Variants in INPP4B observed in about 807,000 individuals in gnomAD.
INPP4B encodes inositol polyphosphate-4-phosphatase type II B, also known as inositol polyphosphate 4-phosphatase type II.
INPP4B carries 55 observed loss-of-function variants against 122.5 expected under a neutral mutation model. The observed-to-expected ratio is 0.45, with a 90% CI of 0.36 to 0.56. The LOEUF (loss-of-function observed/expected upper bound fraction) is 0.56, where lower values mean the gene tolerates loss of function less well. Ranked by LOEUF, INPP4B falls within the 20% of genes least tolerant of loss-of-function variation. The pLI, the probability that INPP4B is intolerant of heterozygous loss-of-function variation, is 0.00. For missense variants in INPP4B, 1,000 were observed against 1,097.7 expected (o/e 0.91, Z 1.26); for synonymous variants, 403 against 388.7 (o/e 1.04, Z -0.43).
rs200564389 is a variant in INPP4B, at chr4:142,135,772, TTTTG to T, written c.1720+10064_1720+10067del. The stretch of plus-strand genomic sequence containing the variant: ...GTTGCTCCAGACCTGTCAGGGTGTT[TTTTG>T]TTTGTTTGTTTGTTTATTTTTTTAA... On this transcript the variant is annotated intron_variant, in intron 18 of 25. Transcript: ENST00000262992. Among the ~76,000 whole-genome samples the T allele has an allele frequency of 4.3e-3, 550 of 126,712 alleles. 3 individuals are homozygous for T. The highest frequency in any genetic ancestry group is 0.02 in the Admixed American group (257 of 12,630). 83.1% of individuals were successfully genotyped at this position (126,712 alleles called of 152,430 possible). A position where few individuals can be genotyped will look rare whatever the true frequency, so the allele number is the denominator to read the frequency against.
intron 2 of INPP4B, among the ~76,000 whole-genome samples, chr4:142,627,630 T>G (rs1746774490): frequency 6.8e-6 from 1 of 146,358 alleles, no homozygotes. Context: ...ATAAGCTTTT[T>G]GATGTGCTGC....
At chr4:142,785,931 G>A (rs1007980479) in intron 1 of INPP4B, among the ~76,000 whole-genome samples, 1 of 151,982 alleles carries the variant, frequency 6.6e-6, no homozygotes, top group Non-Finnish European at 1.5e-5. Flanking sequence ...GGGGTTGGAG[G>A]GGACACCTTG....
intron 2 of INPP4B, among the ~76,000 whole-genome samples, chr4:142,544,524 G>A (rs1327593756): frequency 6.6e-6 from 1 of 152,024 alleles, no homozygotes; most frequent in Non-Finnish European, 1.5e-5. Flanking sequence ...AAGCATACAT[G>A]AGAGAAAAAA....
intron 2 of INPP4B, among the ~76,000 whole-genome samples, chr4:142,619,195 T>G (rs1744351523): frequency 1.3e-5 from 2 of 151,676 alleles, no homozygotes; most frequent in South Asian, 4.2e-4. Flanking sequence ...AAAAAAAAAT[T>G]AAAAATAGAA....
At chr4:142,833,941 T>C (rs1296458634) in intron 1 of INPP4B, among the ~76,000 whole-genome samples, 1 of 152,202 alleles carries the variant, frequency 6.6e-6, no homozygotes, top group Non-Finnish European at 1.5e-5. Context: ...AAATAATTGC[T>C]ACCTTTTTAT....
intron 3 of INPP4B, among the ~76,000 whole-genome samples, chr4:142,459,138 T>C (rs928294639): frequency 8.5e-5 from 13 of 152,060 alleles, no homozygotes; most frequent in African/African-American, 3.1e-4. Flanking sequence ...TCCCTTGGTG[T>C]TTGTGTTTGT....
chr4:142,503,555 A>T (rs1823650179), intron 2 of INPP4B, among the ~76,000 whole-genome samples: 1 of 152,124 alleles, frequency 6.6e-6, no homozygotes, highest in South Asian at 2.1e-4. Flanking sequence ...AGTTGGGAAG[A>T]CATAGTATGA....
intron 8 of INPP4B, among the ~76,000 whole-genome samples, chr4:142,310,587 G>T (rs1168079405): frequency 6.6e-6 from 1 of 151,508 alleles, no homozygotes; most frequent in Non-Finnish European, 1.5e-5. Context: ...GTTTTAAAAG[G>T]TCTCTGAAAA....
At chr4:142,381,668 T>C (rs925652692) in intron 7 of INPP4B, among the ~76,000 whole-genome samples, 1 of 152,170 alleles carries the variant, frequency 6.6e-6, no homozygotes, top group African/African-American at 2.4e-5. Flanking sequence ...GCAGAAGTTG[T>C]AGTGTAGTTT....
At position 142,028,115 on chromosome 4, in the gene INPP4B, A is replaced by AAGTC. The variant is rs1737603401; in HGVS notation, c.*663_*666dup. 4.4e-6 allele frequency: 1 copy of AAGTC among 228,924 alleles called. No homozygotes were observed. The highest frequency in any genetic ancestry group is 8.7e-6 in the Non-Finnish European group (1 of 115,450). 14.2% of individuals were successfully genotyped at this position (228,924 alleles called of 1,614,324 possible). ...CATTCACAGCTAGATCACACAACCC[A>AAGTC]AGTCAGAGTTCTGAAAAGATGCCAT... On this transcript the variant is annotated 3_prime_UTR_variant, in exon 26 of 26. Transcript: ENST00000262992.
At chr4:142,487,786 G>A (rs1481420961) in intron 2 of INPP4B, among the ~76,000 whole-genome samples, 1 of 152,022 alleles carries the variant, frequency 6.6e-6, no homozygotes, top group Admixed American at 6.6e-5. Context: ...GCATCCTATG[G>A]TCTTTATATA....
intron 11 of INPP4B, among the ~76,000 whole-genome samples, chr4:142,248,259 G>A (rs1342275552): frequency 6.6e-6 from 1 of 150,646 alleles, no homozygotes; most frequent in Non-Finnish European, 1.5e-5. Flanking sequence ...TTCCCCATGA[G>A]ATTTAAGAAA....
chr4:142,037,170 T>A (rs911590162), intron 25 of INPP4B, among the ~76,000 whole-genome samples: 3 of 152,182 alleles, frequency 2.0e-5, no homozygotes, highest in Admixed American at 1.3e-4. Flanking sequence ...AAATGATCTT[T>A]TTTATTTATT....
At chr4:142,547,098 T>A (rs1025873148) in intron 2 of INPP4B, among the ~76,000 whole-genome samples, 1 of 151,750 alleles carries the variant, frequency 6.6e-6, no homozygotes, top group Non-Finnish European at 1.5e-5. Context: ...GCAATACATA[T>A]GTTGTTTATT....
chr4:142,416,927 A>G (rs1805898123), intron 5 of INPP4B, among the ~76,000 whole-genome samples: 4 of 152,210 alleles, frequency 2.6e-5, no homozygotes, highest in Admixed American at 6.6e-5. Context: ...GGAGGAGTTT[A>G]TAAGTGAGAA....
At chr4:142,639,168 T>C (rs1451929907) in intron 2 of INPP4B, among the ~76,000 whole-genome samples, 1 of 152,146 alleles carries the variant, frequency 6.6e-6, no homozygotes, top group Non-Finnish European at 1.5e-5. Flanking sequence ...CATTACTGGA[T>C]TTGATTTCTT....
chr4:142,075,100 T>C (rs1158217633), intron 25 of INPP4B, among the ~76,000 whole-genome samples: 1 of 152,080 alleles, frequency 6.6e-6, no homozygotes, highest in African/African-American at 2.4e-5. Context: ...TCTTAGTGCA[T>C]AGTAAGTCCT....
chr4:142,601,644 A>G (rs1015920340), intron 2 of INPP4B, among the ~76,000 whole-genome samples: 15 of 151,788 alleles, frequency 9.9e-5, no homozygotes, highest in African/African-American at 3.4e-4. Context: ...ACCTCAAGGA[A>G]TTAGAAAAAC....
At chr4:142,303,009 T>C (rs1473763086) in intron 9 of INPP4B, among the ~76,000 whole-genome samples, 1 of 152,168 alleles carries the variant, frequency 6.6e-6, no homozygotes, top group Non-Finnish European at 1.5e-5. Flanking sequence ...CCCCAATATA[T>C]ATAAACACAT....
Sources: allele counts gnomAD v4.1 joint callset (sites outside exome capture counted in the v4.1 genomes callset), GRCh38; gene constraint gnomAD v4.1.1; transcripts MANE v1.5; gene names NCBI Gene and HGNC (gene_info 2026-07-23, HGNC 2026-07-21).